The following MITF variants were observed in gnomAD, a reference collection of about 807,000 sequenced individuals.
MITF encodes the protein melanocyte inducing transcription factor.
In MITF, 17 loss-of-function variants were observed where a neutral mutation model predicts 60.5. The ratio of observed to expected loss-of-function variants is 0.28; its 90% confidence interval spans 0.19 to 0.42. MITF has a LOEUF of 0.42. MITF is among the 10% of genes least tolerant of loss of function. MITF has a pLI of 1.00. For synonymous variants in MITF, 260 were observed against 248.5 expected, an observed-to-expected ratio of 1.05 and a Z score of -0.43; for missense variants, 622 against 683.5, an observed-to-expected ratio of 0.91 and a Z score of 1.00.
chr3:69,958,045 A>G (rs2066443102), intron 8 of MITF, among the ~76,000 whole-genome samples: 1 of 152,178 alleles, frequency 6.6e-6, no homozygotes, highest in African/African-American at 2.4e-5. Flanking sequence ...AGTCCCTCTT[A>G]TTACCAAACA....
At chr3:69,942,291 C>A (rs748395636) in intron 5 of MITF, among the ~76,000 whole-genome samples, 6 of 152,076 alleles carry the variant, frequency 3.9e-5, no homozygotes, top group Non-Finnish European at 2.9e-5. Context: ...GAACCATACA[C>A]TTAAAATTGG....
At chr3:69,937,298 T>C (rs1198640072) in intron 2 of MITF, 1 of 168,186 alleles carries the variant, frequency 5.9e-6, no homozygotes, top group Admixed American at 5.7e-5. Flanking sequence ...CCACAACTAG[T>C]TGATTTAATC....
chr3:69,909,088 C>T (rs1024186316), intron 2 of MITF, among the ~76,000 whole-genome samples: 1 of 151,956 alleles, frequency 6.6e-6, no homozygotes, highest in African/African-American at 2.4e-5. Flanking sequence ...AATTGTGTCT[C>T]CCAGAATTCC....
At chr3:69,892,468 T>C (rs2064781549) in intron 2 of MITF, among the ~76,000 whole-genome samples, 1 of 152,138 alleles carries the variant, frequency 6.6e-6, no homozygotes, top group South Asian at 2.1e-4. Flanking sequence ...TTTATGTTAG[T>C]GTTCACTCTT....
chr3:69,866,414 AG>A, intron 1 of MITF: 1 of 1,587,276 alleles, frequency 6.3e-7, no homozygotes, highest in South Asian at 1.1e-5. Context: ...TTTCTCTTTA[AG>A]GGGGAGGATA....
intron 9 of MITF, among the ~76,000 whole-genome samples, chr3:69,962,746 G>A (rs2066581613): frequency 6.6e-6 from 1 of 152,166 alleles, no homozygotes; most frequent in Non-Finnish European, 1.5e-5. Context: ...ACTCAGAAAG[G>A]AAAAAGGGAA....
chr3:69,847,139 C>T (rs1245450763), intron 1 of MITF, among the ~76,000 whole-genome samples: 4 of 152,068 alleles, frequency 2.6e-5, no homozygotes, highest in East Asian at 3.9e-4. Flanking sequence ...AGTGGGACAG[C>T]GGGAAGCAGA....
At chr3:69,939,607 A>G (rs922781296) in intron 4 of MITF, among the ~76,000 whole-genome samples, 4 of 152,066 alleles carry the variant, frequency 2.6e-5, no homozygotes, top group African/African-American at 9.7e-5. Context: ...TTAATAACAT[A>G]TAATGGATGC....
intron 1 of MITF, among the ~76,000 whole-genome samples, chr3:69,790,957 C>T (rs948924614): frequency 1.3e-5 from 2 of 152,116 alleles, no homozygotes; most frequent in African/African-American, 2.4e-5. Context: ...AATAATAGAC[C>T]GTAGATGGTG....
chr3:69,803,398 C>T (rs2062954191), intron 1 of MITF, among the ~76,000 whole-genome samples: 1 of 152,070 alleles, frequency 6.6e-6, no homozygotes, highest in African/African-American at 2.4e-5. Context: ...GAAACAGGGG[C>T]TGTATTTTTC....
intron 1 of MITF, among the ~76,000 whole-genome samples, chr3:69,852,940 A>G (rs1471170328): frequency 2.0e-5 from 3 of 152,182 alleles, no homozygotes; most frequent in Non-Finnish European, 4.4e-5. Flanking sequence ...GTGTACAGCT[A>G]GAGTTAGAGA....
intron 1 of MITF, among the ~76,000 whole-genome samples, chr3:69,843,378 G>T (rs1164787149): frequency 6.6e-6 from 1 of 152,120 alleles, no homozygotes; most frequent in African/African-American, 2.4e-5. Context: ...AAATAATCTA[G>T]GCCAGCAGAA....
At chr3:69,913,664 A>G (rs1418208481) in intron 2 of MITF, among the ~76,000 whole-genome samples, 1 of 152,196 alleles carries the variant, frequency 6.6e-6, no homozygotes, top group Non-Finnish European at 1.5e-5. Flanking sequence ...AAATAATAGC[A>G]CAGCTCATTG....
At chr3:69,910,989 C>G (rs1044517344) in intron 2 of MITF, among the ~76,000 whole-genome samples, 1 of 151,884 alleles carries the variant, frequency 6.6e-6, no homozygotes, top group Admixed American at 6.6e-5. Context: ...TGGCTCTGTC[C>G]CTACCCAAAT....
At chr3:69,951,984 C>A in intron 7 of MITF, 98 bp downstream of exon 7, 1 of 886,466 alleles carries the variant, frequency 1.1e-6, no homozygotes, top group Non-Finnish European at 1.8e-6. Context: ...TTGATTCCTA[C>A]AGCTGTTAAA....
rs529274822 is a variant in MITF at position 69,901,081 on chromosome 3, A to G, written c.354+21698A>G. On this transcript the variant is annotated intron_variant, in intron 2 of 9. Transcript: ENST00000352241. ...TTGAGCAGTTTGGAGGAAGGTTGCTACAGTATAACCTTTTATATTTCCATG... is the reference window on the plus strand; with the variant it reads ...TTGAGCAGTTTGGAGGAAGGTTGCTGCAGTATAACCTTTTATATTTCCATG... Among the ~76,000 whole-genome samples, 48 of 152,232 alleles carry G rather than the reference A, an allele frequency of 3.2e-4. No homozygotes were observed. In the South Asian group the frequency reaches 8.7e-3, roughly 28 times the overall value.
chr3:69,910,719 C>T (rs561389956), intron 2 of MITF, among the ~76,000 whole-genome samples: 41 of 152,222 alleles, frequency 2.7e-4, no homozygotes, highest in Admixed American at 1.1e-3. Context: ...GCCCTGTAAC[C>T]GCTTTGTTTT....
intron 2 of MITF, among the ~76,000 whole-genome samples, chr3:69,915,075 G>T (rs1055522034): frequency 6.6e-6 from 1 of 152,070 alleles, no homozygotes; most frequent in African/African-American, 2.4e-5. Context: ...ATTCCTTTAT[G>T]TCACAAGGAA....
intron 4 of MITF, 113 bp downstream of exon 4, chr3:69,939,294 T>A: frequency 1.1e-6 from 1 of 950,176 alleles, no homozygotes; most frequent in Non-Finnish European, 1.6e-6. Flanking sequence ...TTGTTTTTTT[T>A]TTTTTTATAG....
Sources: gnomAD v4.1 joint callset for allele counts (sites outside exome capture counted in the v4.1 genomes callset) on GRCh38, gnomAD v4.1.1 for gene constraint, MANE v1.5 for transcripts, NCBI Gene and HGNC (gene_info 2026-07-23, HGNC 2026-07-21) for gene names.